CEP350: variants seen among roughly 807,000 people sequenced by gnomAD.
CEP350 encodes centrosome-associated protein 350.
Under a neutral mutation model 331.8 loss-of-function variants are expected in CEP350, and 126 were observed. That is an observed-to-expected ratio of 0.38 (90% CI 0.33 to 0.44). The LOEUF is 0.44. Among genes scored for constraint, CEP350 ranks in the 20% least tolerant of loss-of-function variants. The probability of loss-of-function intolerance (pLI) is 1.00; values close to 1 mark genes in which losing one functional copy is unlikely to be tolerated. For synonymous variants in CEP350, 1,200 were observed against 1,259.5 expected (o/e 0.95, Z 1.00); for missense variants, 3,406 against 3,634.6 (o/e 0.94, Z 1.62).
chr1:180,098,804 C>T (rs1660636334), intron 36 of CEP350, 59 bp from the exon 37 acceptor site: 4 of 1,487,966 alleles, frequency 2.7e-6, no homozygotes, highest in Non-Finnish European at 3.7e-6. Context: ...GCATTGTAAA[C>T]ACATGAAACT....
At position 180,033,421 on chromosome 1, in the gene CEP350, G is replaced by A. The variant is rs950713154; in HGVS notation, c.3726-441G>A. On this transcript the variant is annotated intron_variant, in intron 15 of 37. Coordinates refer to ENST00000367607, the MANE Select transcript of CEP350 (RefSeq NM_014810.5). ...AACAAGAGGGTATAACAAAAGAATA[G>A]TTTTTGTCTTTTCTTACCTTTTAAC... is the stretch of plus-strand genomic sequence containing the variant. 5.9e-5 allele frequency among the ~76,000 whole-genome samples: 9 copies of A among 152,060 alleles called. No individual in the cohort carries two copies. In the East Asian group the frequency reaches 1.3e-3, roughly 23 times the overall value.
chr1:179,963,639 A>C lies in CEP350; in HGVS notation c.-14+8497A>C, dbSNP rs151220907. 1.1e-3 allele frequency among the ~76,000 whole-genome samples: 174 copies of C among 151,880 alleles called. 2 individuals carry two copies. Among genetic ancestry groups the C allele is most frequent in the African/African-American group, 4.1e-3 (169 of 41,408 alleles). ...CTTTTGTCAGCTTTGTTCAAGATCA[A>C]CTGGTTATAGGTGTATGGCTTTATT... On this transcript the variant is annotated intron_variant, in intron 1 of 37. Coordinates refer to ENST00000367607, the MANE Select transcript of CEP350 (RefSeq NM_014810.5).
intron 31 of CEP350, chr1:180,084,389 G>A (rs943127888): frequency 2.9e-6 from 1 of 345,760 alleles, no homozygotes; most frequent in South Asian, 6.0e-5. Flanking sequence ...TTTTGAGATG[G>A]AATCTCGCTC....
intron 27 of CEP350, among the ~76,000 whole-genome samples, chr1:180,068,977 T>C (rs1361994695): frequency 6.6e-6 from 1 of 152,196 alleles, no homozygotes; most frequent in Non-Finnish European, 1.5e-5. Flanking sequence ...TTTAAGAGTC[T>C]CACTATGTGG....
At chr1:180,027,875 G>C (rs1364495608) in intron 14 of CEP350, among the ~76,000 whole-genome samples, 1 of 152,052 alleles carries the variant, frequency 6.6e-6, no homozygotes, top group Non-Finnish European at 1.5e-5. Context: ...CAAATAATAT[G>C]CCATGTTTAA....
chr1:180,085,078 CCTTTT>C (rs1157209729), intron 31 of CEP350, among the ~76,000 whole-genome samples: 2 of 150,820 alleles, frequency 1.3e-5, no homozygotes, highest in Admixed American at 1.3e-4. Flanking sequence ...CTTTTTTTCT[CCTTTT>C]CTTTCCTCCT....
At chr1:180,009,788 T>A (rs983338450) in intron 8 of CEP350, among the ~76,000 whole-genome samples, 17 of 152,226 alleles carry the variant, frequency 1.1e-4, no homozygotes, top group South Asian at 6.2e-4. Flanking sequence ...TTAGGTCAAC[T>A]GTATAAGGTT....
intron 1 of CEP350, among the ~76,000 whole-genome samples, chr1:179,978,274 C>T (rs905291472): frequency 6.6e-6 from 1 of 152,070 alleles, no homozygotes; most frequent in African/African-American, 2.4e-5. Context: ...TAAATTGACA[C>T]AATTGTTGCA....
At chr1:179,987,932 C>T (rs1160012084) in intron 3 of CEP350, among the ~76,000 whole-genome samples, 1 of 151,792 alleles carries the variant, frequency 6.6e-6, no homozygotes, top group East Asian at 1.9e-4. Context: ...AAGACCCTGT[C>T]TCAATAATAA....
chr1:180,046,699 A>G (rs1657143960), intron 21 of CEP350, among the ~76,000 whole-genome samples: 1 of 152,102 alleles, frequency 6.6e-6, no homozygotes, highest in African/African-American at 2.4e-5. Context: ...CTATTTTCCC[A>G]CCACGTAAAA....
intron 27 of CEP350, among the ~76,000 whole-genome samples, chr1:180,071,362 G>A (rs1269460246): frequency 6.6e-6 from 1 of 151,074 alleles, no homozygotes; most frequent in Admixed American, 6.6e-5. Flanking sequence ...AAGAGGCTGA[G>A]GCAGGAGAAT....
intron 1 of CEP350, among the ~76,000 whole-genome samples, chr1:179,964,812 C>T (rs1022780006): frequency 1.3e-4 from 19 of 150,664 alleles, no homozygotes; most frequent in African/African-American, 4.6e-4. Flanking sequence ...TCTTGCTTAT[C>T]CCTTCAAAGA....
chr1:180,053,118 C>G lies in CEP350; in HGVS notation c.4941C>G (p.Asp1647Glu). Residue 1647 changes from aspartate to glutamate, a missense_variant, in exon 23 of 38, where the codon GAC (aspartate) becomes GAG (glutamate). This residue lies in a region of CEP350 where 104 missense variants were observed against 143.3 expected (regional missense o/e 0.73). Transcript: ENST00000367607. ...AAAAGAGAAGAGGTCATCATGATGA[C>G]TCTGATGAAGAAGCTTCTCCAGAAA... ...NMEKRRGHHD[D>E]SDEEASPEKT... 6.2e-7 allele frequency: 1 copy of G among 1,604,972 alleles called. No individual in the cohort carries two copies. Among genetic ancestry groups the G allele is most frequent in the Non-Finnish European group, 8.5e-7 (1 of 1,175,958 alleles).
intron 9 of CEP350, 67 bp from the exon 10 acceptor site, chr1:180,013,780 T>G: frequency 1.5e-6 from 2 of 1,314,636 alleles, no homozygotes; most frequent in Non-Finnish European, 2.1e-6. Context: ...ATTTTCTTGT[T>G]AATGCAGTTA....
intron 1 of CEP350, among the ~76,000 whole-genome samples, chr1:179,972,504 A>ATTTTATT (rs561038808): frequency 0.011 from 1,652 of 152,018 alleles, 13 homozygotes; most frequent in Non-Finnish European, 0.017. Flanking sequence ...AGTGCTGTTT[A>ATTTTATT]TTTTATTTTT....
At chr1:180,005,150 TGC>T (rs1282220628) in intron 7 of CEP350, among the ~76,000 whole-genome samples, 2 of 151,886 alleles carry the variant, frequency 1.3e-5, no homozygotes, top group Non-Finnish European at 2.9e-5. Context: ...TGTTCCCTGT[TGC>T]TAGTGATTCC....
chr1:179,964,571 C>G (rs1650859867), intron 1 of CEP350, among the ~76,000 whole-genome samples: 1 of 151,966 alleles, frequency 6.6e-6, no homozygotes, highest in Non-Finnish European at 1.5e-5. Flanking sequence ...TTGTTATGAT[C>G]TGTTCAGGAT....
Position 179,955,068 on chromosome 1 carries a change from G to T in CEP350, c.-88G>T. On this transcript the variant is annotated 5_prime_UTR_variant, in exon 1 of 38. Coordinates refer to ENST00000367607, the MANE Select transcript of CEP350 (RefSeq NM_014810.5). ...GCCGGGCAGCCCTGGGGCCGGTCGG[G>T]GCGGCGTCACTGCACCCTCCGCCAG... The T allele has an allele frequency of 2.1e-6, 3 of 1,425,050 alleles. No individual in the cohort carries two copies. Among genetic ancestry groups the T allele is most frequent in the Non-Finnish European group, 2.7e-6 (3 of 1,091,432 alleles). 88.3% of individuals were successfully genotyped at this position (1,425,050 alleles called of 1,614,324 possible).
Position 180,031,441 on chromosome 1 carries a change from G to A in CEP350, c.3672G>A (p.Glu1224=), listed in dbSNP as rs1249915610. The change falls in exon 15 of 38, where the codon GAG becomes GAA. Residue 1224 remains glutamate, a synonymous_variant. Transcript: ENST00000367607. The part of the protein sequence containing the change: ...TSSKLSVKDF[E]QTLDTDSTLE... The stretch of plus-strand genomic sequence containing the variant: ...GCAAACTTTCTGTTAAAGATTTTGA[G>A]CAGACTCTTGATACAGATAGCACTT... The A allele has an allele frequency of 6.3e-7, 1 of 1,597,356 alleles. No homozygotes were observed. Among genetic ancestry groups the A allele is most frequent in the South Asian group, 1.1e-5 (1 of 88,958 alleles).
Sources: allele counts gnomAD v4.1 joint callset (sites outside exome capture counted in the v4.1 genomes callset), GRCh38; gene constraint gnomAD v4.1.1; regional missense constraint gnomAD v4.1.1; transcripts MANE v1.5; gene names NCBI Gene and HGNC (gene_info 2026-07-23, HGNC 2026-07-21).